Variants in EPB41L4A observed in about 807,000 individuals in gnomAD.
The protein encoded by EPB41L4A is erythrocyte membrane protein band 4.1 like 4A.
EPB41L4A carries 100 observed loss-of-function variants against 108.6 expected under a neutral mutation model. The ratio of observed to expected loss-of-function variants is 0.92; its 90% CI spans 0.78 to 1.09. The LOEUF is 1.09. Among genes scored for constraint, EPB41L4A ranks in the 50% least tolerant of loss-of-function variants. EPB41L4A has a pLI of 0.00. For synonymous variants in EPB41L4A, 319 were observed against 289.0 expected, an observed-to-expected ratio of 1.10 and a Z score of -1.05; for missense variants, 1,030 against 842.7, an observed-to-expected ratio of 1.22 and a Z score of -2.75.
chr5:112,361,705 A>T (rs867374036), intron 1 of EPB41L4A, among the ~76,000 whole-genome samples: 32 of 76,838 alleles, frequency 4.2e-4, no homozygotes, highest in Middle Eastern at 8.3e-3. Context: ...AAAAATGCTA[A>T]AAAAAAATAA....
chr5:112,285,728 C>T (rs564865964), intron 2 of EPB41L4A, among the ~76,000 whole-genome samples: 3 of 152,206 alleles, frequency 2.0e-5, no homozygotes, highest in African/African-American at 4.8e-5. Flanking sequence ...TGGGAATATT[C>T]CTCATTTCTC....
chr5:112,362,576 C>T (rs1758841809), intron 1 of EPB41L4A, among the ~76,000 whole-genome samples: 1 of 152,172 alleles, frequency 6.6e-6, no homozygotes, highest in African/African-American at 2.4e-5. Context: ...CCACCGCACC[C>T]AGACTTAGAA....
intron 1 of EPB41L4A, among the ~76,000 whole-genome samples, chr5:112,395,186 C>A (rs1464009184): frequency 6.6e-6 from 1 of 152,140 alleles, no homozygotes; most frequent in Non-Finnish European, 1.5e-5. Flanking sequence ...TAGGCATGGG[C>A]AAGGATTTCA....
At chr5:112,324,928 C>T (rs1756047779) in intron 1 of EPB41L4A, among the ~76,000 whole-genome samples, 1 of 151,992 alleles carries the variant, frequency 6.6e-6, no homozygotes, top group African/African-American at 2.4e-5. Context: ...TGAGCTACAA[C>T]AATCTTTTTG....
At chr5:112,294,963 C>A (rs1337816155) in intron 2 of EPB41L4A, among the ~76,000 whole-genome samples, 2 of 152,168 alleles carry the variant, frequency 1.3e-5, no homozygotes, top group Non-Finnish European at 2.9e-5. Context: ...GGGGAAAACA[C>A]TGGAGGGAGT....
At chr5:112,244,646 G>A (rs1032737714) in intron 9 of EPB41L4A, among the ~76,000 whole-genome samples, 1 of 152,132 alleles carries the variant, frequency 6.6e-6, no homozygotes, top group African/African-American at 2.4e-5. Flanking sequence ...TCACCCTACC[G>A]TAATCTTCTT....
intron 1 of EPB41L4A, among the ~76,000 whole-genome samples, chr5:112,402,290 C>T (rs1761811508): frequency 6.6e-6 from 1 of 152,148 alleles, no homozygotes; most frequent in African/African-American, 2.4e-5. Flanking sequence ...CTGAGGCCCC[C>T]TAGCCATGCT....
intron 1 of EPB41L4A, among the ~76,000 whole-genome samples, chr5:112,385,565 T>TA: frequency 6.6e-6 from 1 of 150,430 alleles, no homozygotes. Context: ...CACAATCAAT[T>TA]AAAAAATCCT....
At chr5:112,183,175 T>C (rs1415484437) in intron 18 of EPB41L4A, among the ~76,000 whole-genome samples, 2 of 152,108 alleles carry the variant, frequency 1.3e-5, no homozygotes, top group Non-Finnish European at 1.5e-5. Flanking sequence ...AGCTGTCCTC[T>C]TGTCACCCTC....
rs185320181 is a variant in EPB41L4A, at chr5:112,354,803, G to A, written c.100-47313C>T. 4.7e-3 allele frequency among the ~76,000 whole-genome samples: 717 copies of A among 152,252 alleles called. 7 individuals are homozygous for A. Among genetic ancestry groups the A allele is most frequent in the African/African-American group, 0.016 (674 of 41,544 alleles). ...CTAGTTCAAACCTGGCTTAATTGATGTTGTAGTCTTTGCAAACCATATGCC... is the reference window on the plus strand; with the variant it reads ...CTAGTTCAAACCTGGCTTAATTGATATTGTAGTCTTTGCAAACCATATGCC... On this transcript the variant is annotated intron_variant, in intron 1 of 22. Coordinates refer to ENST00000261486, the MANE Select transcript of EPB41L4A (RefSeq NM_022140.5).
chr5:112,240,652 C>A (rs1273951093), intron 10 of EPB41L4A, 67 bp downstream of exon 10: 4 of 895,020 alleles, frequency 4.5e-6, no homozygotes, highest in East Asian at 5.5e-5. Context: ...AGACAGAATT[C>A]TTTTTATAAA....
At chr5:112,409,117 T>C (rs1480132449) in intron 1 of EPB41L4A, among the ~76,000 whole-genome samples, 1 of 152,102 alleles carries the variant, frequency 6.6e-6, no homozygotes, top group Non-Finnish European at 1.5e-5. Flanking sequence ...AAATAAAATA[T>C]AGTACATCCA....
chr5:112,262,853 C>T (rs1383954890), intron 6 of EPB41L4A, among the ~76,000 whole-genome samples: 2 of 152,148 alleles, frequency 1.3e-5, no homozygotes, highest in Non-Finnish European at 1.5e-5. Flanking sequence ...TTCTCAGTTT[C>T]AGAAACCCCT....
chr5:112,264,867 G>T, intron 6 of EPB41L4A, 29 bp downstream of exon 6: 1 of 1,595,242 alleles, frequency 6.3e-7, no homozygotes, highest in Non-Finnish European at 8.5e-7. Context: ...GATGGATGAT[G>T]CAATAAGACA....
intron 9 of EPB41L4A, among the ~76,000 whole-genome samples, chr5:112,244,320 C>G (rs528566214): frequency 6.6e-6 from 1 of 152,162 alleles, no homozygotes. Context: ...TCAATTGCAA[C>G]AGTAACATCA....
chr5:112,301,682 C>T (rs371815356), intron 2 of EPB41L4A, among the ~76,000 whole-genome samples: 22 of 152,210 alleles, frequency 1.4e-4, no homozygotes, highest in Middle Eastern at 3.4e-3. Flanking sequence ...ACGATCCGTC[C>T]GAGTGGGAAC....
intron 2 of EPB41L4A, among the ~76,000 whole-genome samples, chr5:112,301,321 T>C (rs1307929757): frequency 2.0e-5 from 3 of 152,182 alleles, no homozygotes; most frequent in African/African-American, 7.2e-5. Flanking sequence ...GCTGTTCAGA[T>C]TCTTTTGTCC....
chr5:112,271,608 G>A (rs1349028132), intron 4 of EPB41L4A, among the ~76,000 whole-genome samples: 3 of 152,120 alleles, frequency 2.0e-5, no homozygotes, highest in Admixed American at 2.0e-4. Context: ...ACAAATGTAT[G>A]TATTATACTT....
intron 1 of EPB41L4A, among the ~76,000 whole-genome samples, chr5:112,341,389 G>T (rs550065064): frequency 2.0e-5 from 3 of 152,292 alleles, no homozygotes; most frequent in South Asian, 2.1e-4. Flanking sequence ...CATACTGTGT[G>T]TGTATGTATT....
Sources: allele counts gnomAD v4.1 joint callset (sites outside exome capture counted in the v4.1 genomes callset), GRCh38; gene constraint gnomAD v4.1.1; transcripts MANE v1.5; gene names NCBI Gene and HGNC (gene_info 2026-07-23, HGNC 2026-07-21).